The following DNAJC10 variants were observed in gnomAD, a reference collection of about 807,000 sequenced individuals.
DNAJC10 encodes the protein DnaJ heat shock protein family (Hsp40) member C10, also known as endoplasmic reticulum disulfide reductase DNAJC10.
In DNAJC10, 101 loss-of-function variants were observed where a neutral mutation model predicts 115.0. That is an observed-to-expected ratio of 0.88 (90% CI 0.75 to 1.04). DNAJC10 has a LOEUF of 1.04. Among genes scored for constraint, DNAJC10 ranks in the 50% least tolerant of loss-of-function variants. The pLI is 0.00. For synonymous variants in DNAJC10, 307 were observed against 301.5 expected, an observed-to-expected ratio of 1.02 and a Z score of -0.19; for missense variants, 981 against 928.8, an observed-to-expected ratio of 1.06 and a Z score of -0.73.
At chr2:182,773,967 T>A (rs1293428037) in intron 22 of DNAJC10, among the ~76,000 whole-genome samples, 1 of 141,376 alleles carries the variant, frequency 7.1e-6, no homozygotes, top group Non-Finnish European at 1.5e-5. Flanking sequence ...TCTTTGTGGT[T>A]TTATCTATCT....
In DNAJC10 at chr2:182,736,249, G is replaced by A; in HGVS notation, c.850G>A (p.Asp284Asn). The change falls in exon 11 of 24, where the codon GAT becomes AAT. Residue 284 changes from aspartate to asparagine, a missense_variant and splice_region_variant. Coordinates refer to ENST00000264065, the MANE Select transcript of DNAJC10 (RefSeq NM_018981.4). ...GGTTTGTTGTTTCTTTCCATTTTAG[G>A]ATGGTCTTGTTAATGTAGGATGGAT... is the stretch of plus-strand genomic sequence containing the variant. ...QTRLRLSGMLDGLVNVGWMDC... is the reference protein window; with the variant it reads ...QTRLRLSGMLNGLVNVGWMDC... 2 of 1,553,208 alleles carry A rather than the reference G, an allele frequency of 1.3e-6. No homozygotes were observed. The highest frequency in any genetic ancestry group is 1.7e-6 in the Non-Finnish European group (2 of 1,158,800).
intron 14 of DNAJC10, 146 bp from the exon 15 acceptor site, chr2:182,751,512 A>G (rs113527378): frequency 3.6e-6 from 3 of 824,350 alleles, no homozygotes; most frequent in Non-Finnish European, 1.9e-6. Flanking sequence ...TAAGCCCTGT[A>G]TAGTATACAG....
chr2:182,759,632 T>A (rs957466816), intron 21 of DNAJC10, among the ~76,000 whole-genome samples: 19 of 152,132 alleles, frequency 1.2e-4, no homozygotes, highest in African/African-American at 4.6e-4. Context: ...CTAGATTGTG[T>A]CAGTTTTATC....
rs1380735756 is a variant in DNAJC10, at chr2:182,794,130, A to C, written c.*16998A>C. 6.6e-6 allele frequency: 1 copy of C among 152,290 alleles called. No homozygotes were observed. The highest frequency in any genetic ancestry group is 1.5e-5 in the Non-Finnish European group (1 of 68,086). 9.4% of individuals were successfully genotyped at this position (152,290 alleles called of 1,614,324 possible). ...CTCCAACCCAAGAGAGCAGTGAACA[A>C]ATCCACAGGACAGCAGCTAAGTAGG... On this transcript the variant is annotated 3_prime_UTR_variant, in exon 24 of 24. Coordinates refer to ENST00000264065, the MANE Select transcript of DNAJC10 (RefSeq NM_018981.4).
intron 22 of DNAJC10, 24 bp downstream of exon 22, chr2:182,762,825 C>A: frequency 6.2e-7 from 1 of 1,604,414 alleles, no homozygotes; most frequent in South Asian, 1.1e-5. Context: ...TTCCTCTGTT[C>A]CTTCCCTTAG....
intron 16 of DNAJC10, chr2:182,752,574 C>A: frequency 1.1e-6 from 1 of 942,152 alleles, no homozygotes; most frequent in Non-Finnish European, 1.3e-6. Context: ...GAAGTTAAAA[C>A]AATGAACAAG....
Position 182,718,016 on chromosome 2 carries a change from C to T in DNAJC10, c.-71C>T. The T allele has an allele frequency of 8.6e-7, 1 of 1,157,806 alleles. No homozygotes were observed. Among genetic ancestry groups the T allele is most frequent in the Non-Finnish European group, 1.2e-6 (1 of 819,824 alleles). The allele number at this position is 1,157,806 out of a possible 1,614,324, so 71.7% of individuals were successfully genotyped here. ...ATGTAGACAGAAGTTCTCAAATTTG[C>T]ATATTACATCAACTGGAACCAGCAG... On this transcript the variant is annotated 5_prime_UTR_variant, in exon 3 of 24. Transcript: ENST00000264065.
chr2:182,739,478 C>G, intron 11 of DNAJC10: 1 of 1,111,016 alleles, frequency 9.0e-7, no homozygotes, highest in South Asian at 1.8e-5. Flanking sequence ...ATATATTAAA[C>G]TCTGTTTTGT....
chr2:182,755,242 T>G, intron 17 of DNAJC10, 138 bp downstream of exon 17: 2 of 630,196 alleles, frequency 3.2e-6, no homozygotes, highest in Non-Finnish European at 5.6e-6. Context: ...TTTAAAGAAT[T>G]TTTCTAATGT....
In DNAJC10 at chr2:182,793,342, A is replaced by G. The variant is rs1474013434; in HGVS notation, c.*16210A>G. 1 of 152,206 alleles carries G rather than the reference A, an allele frequency of 6.6e-6. No individual in the cohort carries two copies. The highest frequency in any genetic ancestry group is 6.6e-5 in the Admixed American group (1 of 15,262). 9.4% of individuals were successfully genotyped at this position (152,206 alleles called of 1,614,324 possible). ...CTTTCTAACTTTTGTAAGGACTTCA[A>G]CTTCTACTCACAGTGAAATTGTGAA... On this transcript the variant is annotated 3_prime_UTR_variant, in exon 24 of 24. Transcript: ENST00000264065.
intron 21 of DNAJC10, among the ~76,000 whole-genome samples, chr2:182,761,338 A>C (rs1433419090): frequency 6.6e-6 from 1 of 152,138 alleles, no homozygotes; most frequent in African/African-American, 2.4e-5. Flanking sequence ...CATTTTGTAA[A>C]TGACATAGAC....
chr2:182,729,939 C>A lies in DNAJC10; in HGVS notation c.725C>A (p.Thr242Lys), dbSNP rs191829754. 1.6e-4 allele frequency: 255 copies of A among 1,584,276 alleles called. 2 individuals carry two copies. In the East Asian group the frequency reaches 5.5e-3, roughly 34 times the overall value. ...AGAAGTACAGTGACAGAACTTTGGA[C>A]AGGTAATTTTATTTTCTTAATTTGC... ...HVRSTVTELW[T>K]GNFVNSIQTA... is the part of the protein sequence containing the mutation. The change falls in exon 8 of 24, where the codon ACA becomes AAA. Residue 242 changes from threonine to lysine, a missense_variant and splice_region_variant. By Grantham distance (78) the Thr-to-Lys change is moderately conservative (BLOSUM62 -1). Coordinates refer to ENST00000264065, the MANE Select transcript of DNAJC10 (RefSeq NM_018981.4).
At position 182,777,349 on chromosome 2, in the gene DNAJC10, A is replaced by ATAATATATGGTTCAC. The variant is rs1694733231; in HGVS notation, c.*218_*232dup. The ATAATATATGGTTCAC allele has an allele frequency of 2.9e-6, 1 of 343,552 alleles. No individual in the cohort carries two copies. Among genetic ancestry groups the ATAATATATGGTTCAC allele is most frequent in the Non-Finnish European group, 5.5e-6 (1 of 183,170 alleles). 21.3% of individuals were successfully genotyped at this position (343,552 alleles called of 1,614,324 possible). On this transcript the variant is annotated 3_prime_UTR_variant, in exon 24 of 24. Transcript: ENST00000264065. ...ATAAATATTTTAGACTTTGCAGGCTATAATATATGGTTCACACATGAGAAC... is the reference window on the plus strand; with the variant it reads ...ATAAATATTTTAGACTTTGCAGGCTATAATATATGGTTCACTAATATATGGTTCACACATGAGAAC...
At chr2:182,731,997 C>T (rs1693459319) in intron 9 of DNAJC10, among the ~76,000 whole-genome samples, 1 of 152,098 alleles carries the variant, frequency 6.6e-6, no homozygotes, top group African/African-American at 2.4e-5. Flanking sequence ...TTTGTAGGCT[C>T]TGTGATGCTA....
rs368012044 is a variant in DNAJC10 at position 182,756,351 on chromosome 2, C to T, written c.1691C>T (p.Thr564Ile). 1.2e-6 allele frequency: 2 copies of T among 1,613,896 alleles called. No individual in the cohort carries two copies. The highest frequency in any genetic ancestry group is 1.7e-6 in the Non-Finnish European group (2 of 1,179,828). ...MNPSVVSLTP[T>I]TFNELVTQRK... ...CCTTCAGTGGTCTCCCTTACACCCA[C>T]CACCTTCAACGAACTAGTTACACAA... Residue 564 changes from threonine (T) to isoleucine (I), a missense_variant, in exon 18 of 24, where the codon ACC (threonine) becomes ATC (isoleucine). Physicochemically the swap from Thr to Ile is moderately conservative, Grantham distance 89. Coordinates refer to ENST00000264065, the MANE Select transcript of DNAJC10 (RefSeq NM_018981.4).
chr2:182,733,577 G>A (rs1280998577), intron 10 of DNAJC10, among the ~76,000 whole-genome samples: 2 of 151,322 alleles, frequency 1.3e-5, no homozygotes, highest in African/African-American at 4.8e-5. Flanking sequence ...AGTAAAGTCT[G>A]TGCACTTTTA....
Position 182,781,608 on chromosome 2 carries a change from C to T in DNAJC10, c.*4476C>T, listed in dbSNP as rs530831280. 4.6e-5 allele frequency: 7 copies of T among 152,322 alleles called. 1 individual carries two copies. In the South Asian group the frequency reaches 1.5e-3, roughly 32 times the overall value. The allele number at this position is 152,322 out of a possible 1,614,324, so 9.4% of individuals were successfully genotyped here. ...GTGTAAAAGCATTCCTATTTCTCCA[C>T]ATCCTCTCCAGCATCTGTTGTTTCC... On this transcript the variant is annotated 3_prime_UTR_variant, in exon 24 of 24. Coordinates refer to ENST00000264065, the MANE Select transcript of DNAJC10 (RefSeq NM_018981.4).
intron 22 of DNAJC10, 32 bp from the exon 23 acceptor site, chr2:182,775,284 A>G (rs1375199893): frequency 7.6e-7 from 1 of 1,313,640 alleles, no homozygotes; most frequent in Non-Finnish European, 1.1e-6. Context: ...TTTATTAAAT[A>G]CTTAAAAGAT....
rs748643906 is a variant in DNAJC10 at position 182,740,355 on chromosome 2, A to G, written c.1044A>G (p.Pro348=). 4.5e-6 allele frequency: 7 copies of G among 1,569,864 alleles called. No homozygotes were observed. The Admixed American group carries it at 1.1e-4, about 25-fold the overall frequency. The change falls in exon 12 of 24, where the codon CCA becomes CCG. Residue 348 remains proline, a synonymous_variant. Coordinates refer to ENST00000264065, the MANE Select transcript of DNAJC10 (RefSeq NM_018981.4). ...EIYLEVIHNL[P]DFELLSANTL... ...ATTTGGAAGTAATACATAATCTTCCAGATTTTGAACTACTTTCGGCAAACA... is the reference window on the plus strand; with the variant it reads ...ATTTGGAAGTAATACATAATCTTCCGGATTTTGAACTACTTTCGGCAAACA...
Sources: allele counts gnomAD v4.1 joint callset (sites outside exome capture counted in the v4.1 genomes callset), GRCh38; gene constraint gnomAD v4.1.1; transcripts MANE v1.5; gene names NCBI Gene and HGNC (gene_info 2026-07-23, HGNC 2026-07-21).